The following SLC33A1 variants were observed in gnomAD, a reference collection of about 807,000 sequenced individuals.
SLC33A1 encodes solute carrier family 33 member 1.
SLC33A1 carries 20 observed loss-of-function variants against 50.0 expected under a neutral mutation model. The ratio of observed to expected loss-of-function variants is 0.40; its 90% CI spans 0.28 to 0.58. The LOEUF (loss-of-function observed/expected upper bound fraction) is 0.58. SLC33A1 is among the 20% of genes least tolerant of loss of function. The probability of loss-of-function intolerance (pLI) is 0.44; values close to 1 mark genes in which losing one functional copy is unlikely to be tolerated. For missense variants in SLC33A1, 476 were observed against 657.0 expected, an observed-to-expected ratio of 0.72 and a Z score of 3.01; for synonymous variants, 265 against 251.8, an observed-to-expected ratio of 1.05 and a Z score of -0.50.
chr3:155,830,013 T>C, intron 4 of SLC33A1, 110 bp from the exon 5 acceptor site: 1 of 745,258 alleles, frequency 1.3e-6, no homozygotes, highest in East Asian at 2.7e-5. Flanking sequence ...ATGGTATTTA[T>C]TGAACTCAAT....
At chr3:155,852,773 C>G (rs1308384805) in intron 1 of SLC33A1, among the ~76,000 whole-genome samples, 1 of 152,216 alleles carries the variant, frequency 6.6e-6, no homozygotes, top group East Asian at 1.9e-4. Flanking sequence ...CGTCCCTTAG[C>G]TGGTTCAATA....
At chr3:155,847,648 T>C (rs1033929854) in intron 1 of SLC33A1, among the ~76,000 whole-genome samples, 3 of 151,950 alleles carry the variant, frequency 2.0e-5, no homozygotes, top group Non-Finnish European at 4.4e-5. Context: ...CTTGGGAGGC[T>C]GAGGCAGGAG....
rs1752168009 is a variant in SLC33A1 at position 155,824,935 on chromosome 3, A to G, written c.*3275T>C. ...AAACTTTTTATGACTTATCAGGCAA[A>G]ATTAAAATATTTATCATGGGCAGGG... On this transcript the variant is annotated 3_prime_UTR_variant, in exon 6 of 6. Transcript: ENST00000643144. 1 of 152,156 alleles carries G rather than the reference A, an allele frequency of 6.6e-6. No individual in the cohort carries two copies. Among genetic ancestry groups the G allele is most frequent in the South Asian group, 2.1e-4 (1 of 4,822 alleles). 9.4% of individuals were successfully genotyped at this position (152,156 alleles called of 1,614,324 possible). A position where few individuals can be genotyped will look rare whatever the true frequency, so the allele number is the denominator to read the frequency against.
chr3:155,833,398 A>C (rs1752524408), intron 4 of SLC33A1, 70 bp downstream of exon 4: 1 of 811,070 alleles, frequency 1.2e-6, no homozygotes, highest in African/African-American at 1.7e-5. Flanking sequence ...TTTTAAGACA[A>C]CTGTAGAAAG....
rs937134733 is a variant in SLC33A1, at chr3:155,844,947, A to G, written c.776-2328T>C. 8 of 152,252 alleles carry G rather than the reference A, an allele frequency of 5.3e-5. No homozygotes were observed. In the South Asian group the frequency reaches 1.0e-3, roughly 20 times the overall value. The allele number at this position is 152,252 out of a possible 1,614,324, so 9.4% of individuals were successfully genotyped here. On this transcript the variant is annotated intron_variant, in intron 1 of 5. Transcript: ENST00000643144. The stretch of plus-strand genomic sequence containing the variant: ...ACAGCATTCACTTGGCATGTCCACT[A>G]TTTTTGCATTCTTAATTCCATCTGC...
At chr3:155,829,004 C>T (rs1752303314) in intron 5 of SLC33A1, among the ~76,000 whole-genome samples, 1 of 151,294 alleles carries the variant, frequency 6.6e-6, no homozygotes. Context: ...CCAGTTCTAG[C>T]AATTCTCCTG....
chr3:155,853,599 G>A lies in SLC33A1; in HGVS notation c.399C>T (p.Tyr133=), dbSNP rs1479502641. 1 of 1,614,196 alleles carries A rather than the reference G, an allele frequency of 6.2e-7. No homozygotes were observed. Among genetic ancestry groups the A allele is most frequent in the South Asian group, 1.1e-5 (1 of 91,084 alleles). Residue 133 remains tyrosine (Y), a synonymous_variant, in exon 1 of 6, where the codon TAC becomes TAT. Transcript: ENST00000643144. ...ATTTGCGACGACCGAAGTTCTTAAC[G>A]TAGACCGCATCAACCAACGGGGCCC... ...LLWAPLVDAV[Y]VKNFGRRKSW...
intron 1 of SLC33A1, chr3:155,844,680 CT>C (rs1403838692): frequency 6.6e-6 from 1 of 151,490 alleles, no homozygotes; most frequent in African/African-American, 2.4e-5. Flanking sequence ...GTTAGCCAGG[CT>C]GGTCTCGAAC....
rs1340286039 is a variant in SLC33A1 at position 155,853,665 on chromosome 3, G to A, written c.333C>T (p.Phe111=). ...SKNVSYTDQA[F]FSFVFWPFSL... is the part of the protein sequence containing the mutation. ...TGAAGGGCCAAAAGACAAAACTGAA[G>A]AAAGCTTGGTCTGTATAGCTAACAT... Residue 111 remains phenylalanine, a synonymous_variant, in exon 1 of 6, where the codon TTC becomes TTT. Transcript: ENST00000643144. 6.2e-7 allele frequency: 1 copy of A among 1,614,094 alleles called. No individual in the cohort carries two copies. Among genetic ancestry groups the A allele is most frequent in the Non-Finnish European group, 8.5e-7 (1 of 1,180,050 alleles).
At chr3:155,844,012 C>A (rs1039015244) in intron 1 of SLC33A1, among the ~76,000 whole-genome samples, 1 of 152,102 alleles carries the variant, frequency 6.6e-6, no homozygotes, top group Non-Finnish European at 1.5e-5. Flanking sequence ...GTATGTGGCA[C>A]AACTGATCAA....
intron 4 of SLC33A1, among the ~76,000 whole-genome samples, chr3:155,831,457 C>CAAAAAAAAAAAAAAAAAAAAAAAAAAAA (rs397991448): frequency 2.1e-5 from 1 of 46,682 alleles, no homozygotes; most frequent in African/African-American, 5.8e-5. Context: ...GACTCTGTCT[C>CAAAAAAAAAAAAAAAAAAAAAAAAAAAA]AAAAAAAAAA....
intron 5 of SLC33A1, among the ~76,000 whole-genome samples, chr3:155,829,437 G>A (rs979274668): frequency 1.3e-5 from 2 of 152,164 alleles, no homozygotes; most frequent in African/African-American, 4.8e-5. Flanking sequence ...GTAGGACAGT[G>A]ATCGTCAAGG....
Position 155,830,031 on chromosome 3 carries a change from A to G in SLC33A1, c.1267-128T>C, listed in dbSNP as rs915997106. 7 of 686,372 alleles carry G rather than the reference A, an allele frequency of 1.0e-5. No individual in the cohort carries two copies. In the African/African-American group the frequency reaches 1.2e-4, roughly 12 times the overall value. The allele number at this position is 686,372 out of a possible 1,614,324, so 42.5% of individuals were successfully genotyped here. ...GTATTTATTGAACTCAATTCAACAA[A>G]TACTTATCAAGCACCTACTATAGGC... On this transcript the variant is annotated intron_variant, in intron 4 of 5. Transcript: ENST00000643144.
In SLC33A1 at chr3:155,822,559, C is replaced by G. The variant is rs1161046011; in HGVS notation, c.*5651G>C. The G allele has an allele frequency of 8.4e-6, 1 of 119,074 alleles. No individual in the cohort carries two copies. Among genetic ancestry groups the G allele is most frequent in the Non-Finnish European group, 1.6e-5 (1 of 62,096 alleles). The allele number at this position is 119,074 out of a possible 1,614,324, so 7.4% of individuals were successfully genotyped here. On this transcript the variant is annotated 3_prime_UTR_variant, in exon 6 of 6. Transcript: ENST00000643144. ...TGCCACTGCACTCCAGCCTGGGCGA[C>G]AGAGCAAGACTCCATCTCAAAAAAA...
At chr3:155,847,751 A>AAAATAAAT (rs10652179) in intron 1 of SLC33A1, among the ~76,000 whole-genome samples, 8,172 of 149,124 alleles carry the variant, frequency 0.055, 560 homozygotes, top group Admixed American at 0.15. Context: ...TCCGTCTCAA[A>AAAATAAAT]AAATAAATAA....
intron 1 of SLC33A1, 190 bp downstream of exon 1, chr3:155,853,033 T>C (rs1294618987): frequency 1.8e-5 from 11 of 612,596 alleles, no homozygotes; most frequent in Non-Finnish European, 2.9e-5. Flanking sequence ...ATAGTGATCA[T>C]TTGATTGCTC....
At chr3:155,853,120 C>A in intron 1 of SLC33A1, 103 bp downstream of exon 1, 1 of 1,073,296 alleles carries the variant, frequency 9.3e-7, no homozygotes, top group Non-Finnish European at 1.4e-6. Context: ...TGAGTTATCT[C>A]CCATACAATG....
chr3:155,850,983 C>T (rs1390503107), intron 1 of SLC33A1, among the ~76,000 whole-genome samples: 15 of 151,610 alleles, frequency 9.9e-5, no homozygotes, highest in Admixed American at 9.8e-4. Context: ...GTGGCTTACG[C>T]CTGTAATCCC....
At chr3:155,850,423 G>A (rs1057305937) in intron 1 of SLC33A1, among the ~76,000 whole-genome samples, 5 of 152,134 alleles carry the variant, frequency 3.3e-5, no homozygotes, top group Admixed American at 2.6e-4. Context: ...GTGAAATCAA[G>A]GTTTAAGAGG....
Sources: allele counts gnomAD v4.1 joint callset (sites outside exome capture counted in the v4.1 genomes callset), GRCh38; gene constraint gnomAD v4.1.1; transcripts MANE v1.5; gene names NCBI Gene and HGNC (gene_info 2026-07-23, HGNC 2026-07-21).